ZNF892: variants seen among roughly 807,000 people sequenced by gnomAD.
ZNF892 encodes the protein zinc finger protein 892, also known as zinc finger protein 570-like.
the ZNF892 span, among the ~76,000 whole-genome samples, chr2:95,262,797 C>T: frequency 1.3e-5 from 2 of 152,176 alleles, no homozygotes; most frequent in Non-Finnish European, 2.9e-5. Context: ...AGTTTTCTGA[C>T]GTATTCAACT....
chr2:95,218,337 C>T, the ZNF892 span, among the ~76,000 whole-genome samples: 2 of 152,382 alleles, frequency 1.3e-5, no homozygotes, highest in African/African-American at 4.8e-5. Flanking sequence ...GCTGCACCTT[C>T]AGTGCTTTGC....
the ZNF892 span, chr2:95,232,154 T>G: frequency 6.6e-6 from 1 of 152,168 alleles, no homozygotes; most frequent in African/African-American, 2.4e-5. Context: ...GTGGAGGGGT[T>G]TGGAAACATG....
chr2:95,262,072 C>T, the ZNF892 span, among the ~76,000 whole-genome samples: 1 of 152,204 alleles, frequency 6.6e-6, no homozygotes, highest in Non-Finnish European at 1.5e-5. Context: ...TTTAATACAA[C>T]ACAACTTATG....
chr2:95,233,216 T>G, the ZNF892 span, among the ~76,000 whole-genome samples: 1 of 151,700 alleles, frequency 6.6e-6, no homozygotes, highest in East Asian at 1.9e-4. Context: ...TTTTTTTTTT[T>G]GGAGGCAGAT....
At chr2:95,244,270 C>T in the ZNF892 span, among the ~76,000 whole-genome samples, 4 of 149,462 alleles carry the variant, frequency 2.7e-5, no homozygotes, top group South Asian at 2.2e-4. Flanking sequence ...ATCTGCTGAC[C>T]TTCCCTCCAC....
chr2:95,241,482 C>T, the ZNF892 span, among the ~76,000 whole-genome samples: 2 of 152,130 alleles, frequency 1.3e-5, no homozygotes, highest in African/African-American at 4.8e-5. Flanking sequence ...ACAAAAATCC[C>T]ATTCAAAGGT....
the ZNF892 span, among the ~76,000 whole-genome samples, chr2:95,230,314 A>G: frequency 6.6e-6 from 1 of 152,186 alleles, no homozygotes; most frequent in Non-Finnish European, 1.5e-5. Context: ...AGAAATTACC[A>G]CTAAGGTACT....
chr2:95,216,229 C>T, the ZNF892 span, among the ~76,000 whole-genome samples: 1 of 152,156 alleles, frequency 6.6e-6, no homozygotes, highest in African/African-American at 2.4e-5. Flanking sequence ...GTGAGGGTAG[C>T]CTTACCCTGC....
chr2:95,210,077 A>G, the ZNF892 span, among the ~76,000 whole-genome samples: 1 of 151,070 alleles, frequency 6.6e-6, no homozygotes, highest in South Asian at 2.1e-4. Flanking sequence ...TCATATATAT[A>G]TGTATATATG....
the ZNF892 span, chr2:95,211,745 G>A: frequency 2.5e-6 from 1 of 398,494 alleles, no homozygotes; most frequent in Non-Finnish European, 4.4e-6. Flanking sequence ...CCCAATGCCT[G>A]TGAATTTACC....
chr2:95,220,803 G>C, the ZNF892 span, among the ~76,000 whole-genome samples: 2 of 152,170 alleles, frequency 1.3e-5, no homozygotes, highest in Non-Finnish European at 2.9e-5. Flanking sequence ...GGAAACACCA[G>C]TATTTAATTG....
chr2:95,236,563 T>G, the ZNF892 span, among the ~76,000 whole-genome samples: 25 of 152,200 alleles, frequency 1.6e-4, no homozygotes, highest in Non-Finnish European at 2.4e-4. Flanking sequence ...GCTGTGGAAA[T>G]TTTTACCACA....
At chr2:95,220,750 C>G in the ZNF892 span, among the ~76,000 whole-genome samples, 4 of 152,118 alleles carry the variant, frequency 2.6e-5, no homozygotes, top group Non-Finnish European at 5.9e-5. Flanking sequence ...AAACTATCAG[C>G]CTGCTTCATC....
the ZNF892 span, among the ~76,000 whole-genome samples, chr2:95,255,252 G>A: frequency 6.6e-6 from 1 of 152,132 alleles, no homozygotes; most frequent in Non-Finnish European, 1.5e-5. Flanking sequence ...TGCTTTGAAT[G>A]TGTCCCATAG....
At chr2:95,225,931 C>T in the ZNF892 span, among the ~76,000 whole-genome samples, 1 of 152,210 alleles carries the variant, frequency 6.6e-6, no homozygotes, top group African/African-American at 2.4e-5. Context: ...CTAAGCAAGT[C>T]CACTCTGTGG....
At chr2:95,216,577 C>G in the ZNF892 span, among the ~76,000 whole-genome samples, 2 of 151,914 alleles carry the variant, frequency 1.3e-5, no homozygotes, top group African/African-American at 4.8e-5. Flanking sequence ...TTTGAAATAC[C>G]TTTTACCATT....
the ZNF892 span, among the ~76,000 whole-genome samples, chr2:95,233,542 G>C: frequency 6.6e-6 from 1 of 150,960 alleles, no homozygotes; most frequent in Non-Finnish European, 1.5e-5. Flanking sequence ...GCGTGGTGGT[G>C]GGCGCCTGTA....
chr2:95,260,846 G>T, the ZNF892 span, among the ~76,000 whole-genome samples: 1 of 152,190 alleles, frequency 6.6e-6, no homozygotes, highest in Non-Finnish European at 1.5e-5. Flanking sequence ...GAAGCCGGGG[G>T]TCAATCTCAG....
At chr2:95,242,527 C>A in the ZNF892 span, among the ~76,000 whole-genome samples, 2 of 152,166 alleles carry the variant, frequency 1.3e-5, no homozygotes, top group African/African-American at 4.8e-5. Context: ...TGTTACCGGC[C>A]ACTACAAAAA....
Sources: allele counts gnomAD v4.1 joint callset (sites outside exome capture counted in the v4.1 genomes callset), GRCh38; gene constraint gnomAD v4.1.1; transcripts MANE v1.5; gene names NCBI Gene and HGNC (gene_info 2026-07-23, HGNC 2026-07-21).